Variants in KCNMA1 observed in about 807,000 individuals in gnomAD.
The protein encoded by KCNMA1 is Calcium-activated potassium channel subunit alpha-1.
In KCNMA1, 29 loss-of-function variants were observed where a neutral mutation model predicts 140.0. The ratio of observed to expected loss-of-function variants is 0.21; its 90% confidence interval spans 0.15 to 0.28. The LOEUF (loss-of-function observed/expected upper bound fraction) is 0.28. Ranked by LOEUF, KCNMA1 falls within the 10% of genes least tolerant of loss-of-function variation. The pLI, the probability that KCNMA1 is intolerant of heterozygous loss-of-function variation, is 1.00. For synonymous variants in KCNMA1, 612 were observed against 611.9 expected, an observed-to-expected ratio of 1.00 and a Z score of 0.00; for missense variants, 880 against 1,602.2, an observed-to-expected ratio of 0.55 and a Z score of 7.70.
intron 19 of KCNMA1, chr10:76,979,737 G>A (rs536594246): frequency 6.6e-6 from 1 of 152,180 alleles, no homozygotes; most frequent in African/African-American, 2.4e-5. Flanking sequence ...ATCTTCCATT[G>A]AGCCAATGGT....
chr10:77,390,046 C>T (rs1696851737), intron 2 of KCNMA1, among the ~76,000 whole-genome samples: 1 of 152,164 alleles, frequency 6.6e-6, no homozygotes, highest in African/African-American at 2.4e-5. Flanking sequence ...GCCAAGGGCA[C>T]AGTAGATGTG....
At chr10:77,002,675 C>T (rs1483420623) in intron 18 of KCNMA1, among the ~76,000 whole-genome samples, 3 of 152,292 alleles carry the variant, frequency 2.0e-5, no homozygotes, top group East Asian at 1.9e-4. Flanking sequence ...AAGTCAGCAT[C>T]GTAGTTTCCA....
chr10:77,422,015 T>G (rs1358869360), intron 1 of KCNMA1, among the ~76,000 whole-genome samples: 1 of 152,228 alleles, frequency 6.6e-6, no homozygotes, highest in African/African-American at 2.4e-5. Context: ...TAACAAATGT[T>G]CAATGCTCAC....
At chr10:77,596,568 G>A (rs1410104948) in intron 1 of KCNMA1, among the ~76,000 whole-genome samples, 1 of 152,194 alleles carries the variant, frequency 6.6e-6, no homozygotes, top group Admixed American at 6.5e-5. Flanking sequence ...ACCCACAGAG[G>A]TTGTACCAGG....
intron 9 of KCNMA1, chr10:77,092,108 G>A (rs1185688886): frequency 2.0e-5 from 3 of 152,156 alleles, no homozygotes; most frequent in African/African-American, 4.8e-5. Context: ...CTAGGTTGAT[G>A]AAGGTCCCTT....
chr10:77,497,452 C>T (rs886683437), intron 1 of KCNMA1, among the ~76,000 whole-genome samples: 3 of 152,190 alleles, frequency 2.0e-5, no homozygotes, highest in Non-Finnish European at 4.4e-5. Context: ...CTATTCCTGA[C>T]ACTGTTGCTC....
At position 77,367,057 on chromosome 10, in the gene KCNMA1, G is replaced by A. The variant is rs138582460; in HGVS notation, c.540+36805C>T. ...ATCTGAAAAGTGAAAGAACATGAGA[G>A]CAAAATAGCATGCATACTGCATTAG... On this transcript the variant is annotated intron_variant, in intron 2 of 27. Transcript: ENST00000286628. 2.5e-4 allele frequency among the ~76,000 whole-genome samples: 38 copies of A among 152,320 alleles called. No individual in the cohort carries two copies. In the East Asian group the frequency reaches 7.3e-3, roughly 29 times the overall value.
At chr10:77,225,090 T>C (rs1469407837) in intron 3 of KCNMA1, among the ~76,000 whole-genome samples, 2 of 152,196 alleles carry the variant, frequency 1.3e-5, no homozygotes, top group Non-Finnish European at 2.9e-5. Context: ...CAGTTGGCAA[T>C]GCTGGACTAT....
At chr10:77,251,344 T>C in intron 2 of KCNMA1, 88 bp from the exon 3 acceptor site, 1 of 984,032 alleles carries the variant, frequency 1.0e-6, no homozygotes, top group Middle Eastern at 2.0e-4. Flanking sequence ...AGCTTTGAAA[T>C]ACGGTGCCCA....
intron 3 of KCNMA1, among the ~76,000 whole-genome samples, chr10:77,232,769 C>T (rs1301037520): frequency 6.6e-6 from 1 of 152,138 alleles, no homozygotes; most frequent in African/African-American, 2.4e-5. Flanking sequence ...CGTCTTCTCT[C>T]CTAAAAGTTT....
intron 2 of KCNMA1, among the ~76,000 whole-genome samples, chr10:77,338,035 C>T (rs2089768711): frequency 6.6e-6 from 1 of 152,158 alleles, no homozygotes; most frequent in Admixed American, 6.5e-5. Context: ...ATTTGGGGGC[C>T]ATTTGTTATT....
At chr10:77,050,734 T>C (rs1594782906) in intron 14 of KCNMA1, among the ~76,000 whole-genome samples, 1 of 152,176 alleles carries the variant, frequency 6.6e-6, no homozygotes, top group South Asian at 2.1e-4. Context: ...CCAAAGACGG[T>C]GAAGAATAAG....
At chr10:77,306,227 G>C (rs2077680134) in intron 2 of KCNMA1, among the ~76,000 whole-genome samples, 1 of 152,334 alleles carries the variant, frequency 6.6e-6, no homozygotes, top group South Asian at 2.1e-4. Flanking sequence ...ACCTTGCAAG[G>C]GTCCCTGAAA....
intron 5 of KCNMA1, among the ~76,000 whole-genome samples, chr10:77,148,026 G>T (rs1300978601): frequency 6.6e-6 from 1 of 151,900 alleles, no homozygotes; most frequent in Non-Finnish European, 1.5e-5. Context: ...ATGTAAGGAG[G>T]TGCTCCTTTT....
intron 2 of KCNMA1, among the ~76,000 whole-genome samples, chr10:77,366,769 G>T (rs952017325): frequency 7.2e-5 from 11 of 152,162 alleles, no homozygotes; most frequent in African/African-American, 2.2e-4. Flanking sequence ...GCATGGAGTG[G>T]GCAGCACAGA....
chr10:77,432,382 T>A (rs573343246), intron 1 of KCNMA1, among the ~76,000 whole-genome samples: 2 of 152,328 alleles, frequency 1.3e-5, no homozygotes, highest in African/African-American at 4.8e-5. Flanking sequence ...CAAGCAGTCA[T>A]CCTGCTTCTC....
At chr10:77,205,599 T>C (rs1416655963) in intron 3 of KCNMA1, among the ~76,000 whole-genome samples, 1 of 148,926 alleles carries the variant, frequency 6.7e-6, no homozygotes, top group African/African-American at 2.5e-5. Context: ...TAATTTTTAA[T>C]GCAGTCTTAG....
At chr10:77,493,905 C>T (rs755270958) in intron 1 of KCNMA1, 9 of 152,184 alleles carry the variant, frequency 5.9e-5, no homozygotes, top group Admixed American at 5.9e-4. Context: ...CCAATCACTC[C>T]ACCCTGGAGT....
intron 11 of KCNMA1, among the ~76,000 whole-genome samples, chr10:77,086,036 G>A (rs1374487596): frequency 1.3e-5 from 2 of 152,050 alleles, no homozygotes; most frequent in African/African-American, 4.8e-5. Context: ...AAGCTCAAAT[G>A]TTTTATCGCT....
Sources: allele counts gnomAD v4.1 joint callset (sites outside exome capture counted in the v4.1 genomes callset), GRCh38; gene constraint gnomAD v4.1.1; transcripts MANE v1.5; gene names NCBI Gene and HGNC (gene_info 2026-07-23, HGNC 2026-07-21).